The following HS3ST4 variants were observed in gnomAD, a reference collection of about 807,000 sequenced individuals.
HS3ST4 encodes heparan sulfate-glucosamine 3-sulfotransferase 4.
A neutral mutation model predicts 29.2 loss-of-function variants in HS3ST4; 17 were observed. The ratio of observed to expected loss-of-function variants is 0.58; its 90% CI spans 0.40 to 0.87. The LOEUF (loss-of-function observed/expected upper bound fraction) is 0.87, where lower values mean the gene tolerates loss of function less well. Ranked by LOEUF, HS3ST4 falls within the 40% of genes least tolerant of loss-of-function variation. The probability of loss-of-function intolerance (pLI) is 0.00; values close to 1 mark genes in which losing one functional copy is unlikely to be tolerated. For synonymous variants in HS3ST4, 314 were observed against 285.7 expected, an observed-to-expected ratio of 1.10 and a Z score of -1.00; for missense variants, 627 against 634.5, an observed-to-expected ratio of 0.99 and a Z score of 0.13.
At chr16:25,879,597 G>C (rs555854638) in intron 1 of HS3ST4, among the ~76,000 whole-genome samples, 1 of 151,932 alleles carries the variant, frequency 6.6e-6, no homozygotes, top group African/African-American at 2.4e-5. Flanking sequence ...ACACTGGGTC[G>C]CTCCCACAAC....
intron 1 of HS3ST4, among the ~76,000 whole-genome samples, chr16:25,864,013 C>CCGCCTCTTCGCCTCTT (rs58894941): frequency 5.3e-5 from 8 of 151,672 alleles, no homozygotes; most frequent in Non-Finnish European, 1.0e-4. Context: ...CTGCTGCCTG[C>CCGCCTCTTCGCCTCTT]CGCCTCTTCG....
chr16:25,708,788 A>T (rs1966393993), intron 1 of HS3ST4, among the ~76,000 whole-genome samples: 1 of 152,250 alleles, frequency 6.6e-6, no homozygotes, highest in South Asian at 2.1e-4. Context: ...TCCTTCTTTT[A>T]GTTTACCTTC....
intron 1 of HS3ST4, among the ~76,000 whole-genome samples, chr16:25,751,046 G>C (rs1380499221): frequency 4.6e-5 from 7 of 152,206 alleles, no homozygotes. Context: ...GAGCCAAGAA[G>C]CTGCCACTTG....
intron 1 of HS3ST4, among the ~76,000 whole-genome samples, chr16:25,769,964 C>G (rs1966839819): frequency 6.6e-6 from 1 of 152,198 alleles, no homozygotes; most frequent in South Asian, 2.1e-4. Flanking sequence ...CTTTCTAGTT[C>G]TGTCACCATA....
chr16:25,932,650 A>G (rs745585225), intron 1 of HS3ST4, among the ~76,000 whole-genome samples: 5 of 152,224 alleles, frequency 3.3e-5, no homozygotes, highest in Non-Finnish European at 5.9e-5. Flanking sequence ...TTAGATGCTC[A>G]CTGCAAGCCA....
At chr16:25,943,240 A>G (rs948341458) in intron 1 of HS3ST4, among the ~76,000 whole-genome samples, 4 of 152,328 alleles carry the variant, frequency 2.6e-5, no homozygotes, top group African/African-American at 9.6e-5. Context: ...TATGGAGGAC[A>G]TAACAGGTGT....
At chr16:25,996,355 T>C (rs1042849490) in intron 1 of HS3ST4, among the ~76,000 whole-genome samples, 5 of 151,978 alleles carry the variant, frequency 3.3e-5, no homozygotes, top group African/African-American at 9.7e-5. Flanking sequence ...TTGCATACTT[T>C]ACATATCTAG....
chr16:26,028,272 CAAAA>C lies in HS3ST4; in HGVS notation c.735-107320_735-107317del, dbSNP rs57920476. Among the ~76,000 whole-genome samples the C allele has an allele frequency of 7.2e-3, 351 of 48,598 alleles. 1 individual carries two copies. The highest frequency in any genetic ancestry group is 0.022 in the African/African-American group (321 of 14,794). 31.9% of individuals were successfully genotyped at this position (48,598 alleles called of 152,430 possible). A position where few individuals can be genotyped will look rare whatever the true frequency, so the allele number is the denominator to read the frequency against. On this transcript the variant is annotated intron_variant, in intron 1 of 1. Coordinates refer to ENST00000331351, the MANE Select transcript of HS3ST4 (RefSeq NM_006040.3). ...TGGGTGACAGAGTGAGACACCGTCT[CAAAA>C]AAAAAAAAAAAAAAAAAAAGAATAA...
Position 25,856,984 on chromosome 16 carries a change from G to A in HS3ST4, c.734+163833G>A, listed in dbSNP as rs143150969. Among the ~76,000 whole-genome samples the A allele has an allele frequency of 6.4e-3, 970 of 152,280 alleles. 4 individuals carry two copies. The highest frequency in any genetic ancestry group is 0.011 in the South Asian group (55 of 4,826). The stretch of plus-strand genomic sequence containing the variant: ...AAACTTGACACCACATTTGCAGCCA[G>A]CATCCGAAGTAGGACACAGTTTTGT... On this transcript the variant is annotated intron_variant, in intron 1 of 1. Transcript: ENST00000331351.
At chr16:25,771,109 A>G (rs1383571813) in intron 1 of HS3ST4, among the ~76,000 whole-genome samples, 1 of 152,046 alleles carries the variant, frequency 6.6e-6, no homozygotes, top group East Asian at 1.9e-4. Flanking sequence ...CACATGCATT[A>G]GCTATTTGTC....
intron 1 of HS3ST4, among the ~76,000 whole-genome samples, chr16:25,939,955 G>A (rs1968556924): frequency 6.6e-6 from 1 of 152,112 alleles, no homozygotes; most frequent in Admixed American, 6.5e-5. Flanking sequence ...AAGTGCCCCG[G>A]GAGTTACAAC....
intron 1 of HS3ST4, among the ~76,000 whole-genome samples, chr16:25,887,691 A>ATTTTTTT (rs768447504): frequency 3.3e-5 from 3 of 91,512 alleles, no homozygotes; most frequent in Non-Finnish European, 6.2e-5. Flanking sequence ...GCTACACCTG[A>ATTTTTTT]TTTTTTTTTT....
chr16:26,042,420 C>A (rs1181573101), intron 1 of HS3ST4, among the ~76,000 whole-genome samples: 2 of 152,014 alleles, frequency 1.3e-5, no homozygotes, highest in Non-Finnish European at 2.9e-5. Flanking sequence ...ATTCTCCTGT[C>A]ATCAGCTTTA....
chr16:25,775,927 A>G (rs1966847201), intron 1 of HS3ST4, among the ~76,000 whole-genome samples: 2 of 152,372 alleles, frequency 1.3e-5, no homozygotes, highest in Non-Finnish European at 2.9e-5. Context: ...CTTGACAGGA[A>G]TGAAAAATGA....
chr16:25,755,470 G>A (rs999386714), intron 1 of HS3ST4, among the ~76,000 whole-genome samples: 4 of 152,128 alleles, frequency 2.6e-5, no homozygotes, highest in African/African-American at 7.2e-5. Flanking sequence ...GCATGGAGAG[G>A]TTTGAGGGTG....
At chr16:26,062,853 C>A in intron 1 of HS3ST4, 2 of 286,038 alleles carry the variant, frequency 7.0e-6, no homozygotes, top group South Asian at 8.3e-5. Context: ...AGAACTTTAT[C>A]TCCAACTTTC....
rs111882554 is a variant in HS3ST4 at position 25,813,383 on chromosome 16, G to A, written c.734+120232G>A. Among the ~76,000 whole-genome samples the A allele has an allele frequency of 5.8e-3, 883 of 152,226 alleles. 13 individuals carry two copies. The highest frequency in any genetic ancestry group is 0.02 in the African/African-American group (825 of 41,512). ...CTCACACTTGTAATCCCAGCACTTT[G>A]GGAGGCTGAGGCGGGCGGATCACTT... On this transcript the variant is annotated intron_variant, in intron 1 of 1. Transcript: ENST00000331351.
intron 1 of HS3ST4, among the ~76,000 whole-genome samples, chr16:26,027,080 C>G (rs181497075): frequency 1.3e-5 from 2 of 152,134 alleles, no homozygotes; most frequent in African/African-American, 2.4e-5. Context: ...CAACTGCAGA[C>G]CTTTGGACTA....
intron 1 of HS3ST4, among the ~76,000 whole-genome samples, chr16:26,032,217 T>C (rs1474183215): frequency 2.6e-5 from 4 of 152,168 alleles, no homozygotes; most frequent in Non-Finnish European, 5.9e-5. Context: ...AATTTGTCTT[T>C]CTATACCACA....
Sources: gnomAD v4.1 joint callset for allele counts (sites outside exome capture counted in the v4.1 genomes callset) on GRCh38, gnomAD v4.1.1 for gene constraint, MANE v1.5 for transcripts, NCBI Gene and HGNC (gene_info 2026-07-23, HGNC 2026-07-21) for gene names.